The following PCLO variants were observed in gnomAD, a reference collection of about 807,000 sequenced individuals.
PCLO encodes protein piccolo.
In PCLO, 82 loss-of-function variants were observed where a neutral mutation model predicts 427.5. That is an observed-to-expected ratio of 0.19 (90% CI 0.16 to 0.23). The LOEUF is 0.23. PCLO is among the 10% of genes least tolerant of loss of function. The probability of loss-of-function intolerance (pLI) is 1.00; values close to 1 mark genes in which losing one functional copy is unlikely to be tolerated. For synonymous variants in PCLO, 2,357 were observed against 2,155.4 expected (o/e 1.09, Z -2.59); for missense variants, 6,239 against 6,115.9 (o/e 1.02, Z -0.67).
intron 10 of PCLO, among the ~76,000 whole-genome samples, chr7:82,859,459 G>C (rs1348879393): frequency 3.3e-5 from 5 of 152,202 alleles, no homozygotes; most frequent in Non-Finnish European, 7.3e-5. Context: ...AAGAGTCTCT[G>C]TCTGGTAATC....
chr7:82,906,302 T>A (rs1427762887), intron 8 of PCLO, among the ~76,000 whole-genome samples: 1 of 152,062 alleles, frequency 6.6e-6, no homozygotes, highest in Non-Finnish European at 1.5e-5. Flanking sequence ...TTTATGAATA[T>A]GATTTCTTGT....
Position 82,999,647 on chromosome 7 carries a change from TATA to T in PCLO, c.3301-33163_3301-33161del, listed in dbSNP as rs1460435846. Reference sequence around the variant, plus strand: ...TATAATATTATATTAAAATATAAAATATAATATTATATATAAAATATAAAATAT... The same window carrying T: ...TATAATATTATATTAAAATATAAAATATATTATATATAAAATATAAAATAT... On this transcript the variant is annotated intron_variant, in intron 3 of 24. Transcript: ENST00000333891. 1.2e-4 allele frequency among the ~76,000 whole-genome samples: 6 copies of T among 51,146 alleles called. 1 individual carries two copies. The highest frequency in any genetic ancestry group is 1.7e-4 in the Non-Finnish European group (6 of 34,782). 33.6% of individuals were successfully genotyped at this position (51,146 alleles called of 152,430 possible).
intron 9 of PCLO, among the ~76,000 whole-genome samples, chr7:82,898,690 C>T (rs1793965543): frequency 6.6e-6 from 1 of 151,296 alleles, no homozygotes; most frequent in African/African-American, 2.4e-5. Context: ...TACTTTTTCC[C>T]TATTGATGAA....
rs909638341 is a variant in PCLO, at chr7:83,016,499, G to T, written c.3301-50012C>A. 8.6e-5 allele frequency among the ~76,000 whole-genome samples: 13 copies of T among 151,922 alleles called. No individual in the cohort carries two copies. The East Asian group carries it at 2.3e-3, about 27-fold the overall frequency. On this transcript the variant is annotated intron_variant, in intron 3 of 24. Coordinates refer to ENST00000333891, the MANE Select transcript of PCLO (RefSeq NM_033026.6). ...AAATATAGAAGTTTCAGCCATTAAA[G>T]AATGTGTCTTTTGACCTTGGCTTCA... is the stretch of plus-strand genomic sequence containing the variant.
At chr7:82,997,569 G>A (rs1481492290) in intron 3 of PCLO, among the ~76,000 whole-genome samples, 1 of 151,852 alleles carries the variant, frequency 6.6e-6, no homozygotes, top group African/African-American at 2.4e-5. Context: ...TTACTTATAA[G>A]CAAGCAGAGT....
intron 3 of PCLO, among the ~76,000 whole-genome samples, chr7:83,046,134 G>T (rs1354971838): frequency 6.6e-6 from 1 of 151,938 alleles, no homozygotes; most frequent in Non-Finnish European, 1.5e-5. Flanking sequence ...TTGGATTAGG[G>T]CCCATCCTAA....
intron 20 of PCLO, among the ~76,000 whole-genome samples, chr7:82,816,575 C>A (rs1168204736): frequency 2.6e-5 from 4 of 152,096 alleles, no homozygotes; most frequent in Non-Finnish European, 4.4e-5. Flanking sequence ...AAAGACATGT[C>A]ATAAATAATA....
intron 3 of PCLO, among the ~76,000 whole-genome samples, chr7:83,014,220 G>A (rs1028040372): frequency 6.6e-6 from 1 of 152,084 alleles, no homozygotes; most frequent in African/African-American, 2.4e-5. Flanking sequence ...ATGAACAAAT[G>A]TCAGAATTAG....
intron 3 of PCLO, among the ~76,000 whole-genome samples, chr7:83,038,073 T>TTAATTTA (rs1788869898): frequency 2.2e-5 from 1 of 46,184 alleles, no homozygotes; most frequent in African/African-American, 8.3e-5. Flanking sequence ...ATTTATATAT[T>TTAATTTA]TATATATATA....
intron 3 of PCLO, among the ~76,000 whole-genome samples, chr7:83,108,197 A>G (rs1186136901): frequency 6.6e-6 from 1 of 152,090 alleles, no homozygotes; most frequent in Non-Finnish European, 1.5e-5. Flanking sequence ...CATTGACTTG[A>G]GAAAGAAGTA....
At chr7:83,161,877 A>G (rs1031918530) in intron 1 of PCLO, among the ~76,000 whole-genome samples, 7 of 152,326 alleles carry the variant, frequency 4.6e-5, no homozygotes, top group Middle Eastern at 3.4e-3. Context: ...AGAGAGGACA[A>G]ATCACCTACA....
chr7:82,843,771 TCTCCCACCTCAGC>T (rs1187158639), intron 13 of PCLO, among the ~76,000 whole-genome samples: 1 of 151,680 alleles, frequency 6.6e-6, no homozygotes, highest in Non-Finnish European at 1.5e-5. Context: ...TTCAAGTGAT[TCTCCCACCTCAGC>T]CTCCTGAGCA....
intron 15 of PCLO, among the ~76,000 whole-genome samples, chr7:82,836,379 A>C (rs1368353457): frequency 2.0e-5 from 3 of 152,164 alleles, no homozygotes; most frequent in Non-Finnish European, 2.9e-5. Context: ...TCAAAGGCGG[A>C]ATGAAGTTAT....
chr7:83,043,597 C>T (rs1789024066), intron 3 of PCLO, among the ~76,000 whole-genome samples: 1 of 152,188 alleles, frequency 6.6e-6, no homozygotes, highest in South Asian at 2.1e-4. Flanking sequence ...GGCAAATTAA[C>T]AGAGAACTCA....
chr7:82,822,028 G>A, intron 20 of PCLO: 1 of 991,256 alleles, frequency 1.0e-6, no homozygotes, highest in Middle Eastern at 5.2e-4. Context: ...CTTCTGCCTA[G>A]ACTTTTTGAG....
intron 23 of PCLO, 23 bp downstream of exon 23, chr7:82,761,336 A>T: frequency 7.7e-7 from 1 of 1,303,974 alleles, no homozygotes; most frequent in South Asian, 1.4e-5. Context: ...AGATATATTG[A>T]TGATTATAAT....
At chr7:83,042,278 TA>T (rs1190969802) in intron 3 of PCLO, among the ~76,000 whole-genome samples, 14 of 152,198 alleles carry the variant, frequency 9.2e-5, no homozygotes, top group African/African-American at 3.4e-4. Flanking sequence ...ATCGCATTTG[TA>T]TCTCTGCATT....
Position 82,952,138 on chromosome 7 carries a change from C to G in PCLO, c.8815G>C (p.Val2939Leu). The G allele has an allele frequency of 6.2e-7, 1 of 1,611,986 alleles. No individual in the cohort carries two copies. The change falls in exon 5 of 25, where the codon GTG becomes CTG. Residue 2939 changes from valine to leucine, a missense_variant. This residue lies in a region of PCLO where 4,677 missense variants were observed against 4,468.4 expected (regional missense o/e 1.05). Transcript: ENST00000333891. ...PVDLTAGRRA[V>L]CCDVVYKLPF... ...AATTTATAAACCACATCACAGCACACAGCTCTTCTCCCTGCGGTTAAATCA... is the reference window on the plus strand; with the variant it reads ...AATTTATAAACCACATCACAGCACAGAGCTCTTCTCCCTGCGGTTAAATCA...
intron 2 of PCLO, among the ~76,000 whole-genome samples, chr7:83,140,624 T>C (rs1584078292): frequency 6.6e-6 from 1 of 152,328 alleles, no homozygotes; most frequent in East Asian, 1.9e-4. Context: ...GTGCTCTGTG[T>C]TTACTGTGAA....
Sources: allele counts gnomAD v4.1 joint callset (sites outside exome capture counted in the v4.1 genomes callset), GRCh38; gene constraint gnomAD v4.1.1; regional missense constraint gnomAD v4.1.1; transcripts MANE v1.5; gene names NCBI Gene and HGNC (gene_info 2026-07-23, HGNC 2026-07-21).